Variants in RELL1 observed in about 807,000 individuals in gnomAD.
RELL1 encodes the protein RELT like 1.
RELL1 carries 10 observed loss-of-function variants against 23.0 expected under a neutral mutation model. That is an observed-to-expected ratio of 0.43 (90% CI 0.27 to 0.74). The LOEUF is 0.74. Among genes scored for constraint, RELL1 ranks in the 30% least tolerant of loss-of-function variants. The pLI is 0.19. For synonymous variants in RELL1, 146 were observed against 146.8 expected, an observed-to-expected ratio of 0.99 and a Z score of 0.04; for missense variants, 315 against 364.4, an observed-to-expected ratio of 0.86 and a Z score of 1.10.
At chr4:37,685,834 G>A (rs949956328) in intron 1 of RELL1, among the ~76,000 whole-genome samples, 59 of 152,276 alleles carry the variant, frequency 3.9e-4, no homozygotes, top group African/African-American at 1.4e-3. Context: ...CGGCGCCTTT[G>A]AGGACAAGGG....
Position 37,600,018 on chromosome 4 carries a change from C to T in RELL1, c.*4-8801G>A, listed in dbSNP as rs79413157. On this transcript the variant is annotated intron_variant, in intron 6 of 6. Transcript: ENST00000314117. Reference sequence around the variant, plus strand: ...AGTACAGTGGCTCACGCCTGTAAACCCAGCACTCCGGGAGGCCGAGGCAGG... The same window carrying T: ...AGTACAGTGGCTCACGCCTGTAAACTCAGCACTCCGGGAGGCCGAGGCAGG... Among the ~76,000 whole-genome samples, 825 of 152,266 alleles carry T rather than the reference C, an allele frequency of 5.4e-3. 11 individuals carry two copies. The highest frequency in any genetic ancestry group is 0.019 in the African/African-American group (802 of 41,548).
intron 6 of RELL1, among the ~76,000 whole-genome samples, chr4:37,604,866 GAC>G (rs752355951): frequency 0.29 from 15,667 of 54,366 alleles, 1,879 homozygotes; most frequent in East Asian, 0.43. Flanking sequence ...CACACACACA[GAC>G]ACACACACAC....
downstream of RELL1, chr4:37,587,950 C>G (rs1718406291): frequency 6.6e-6 from 1 of 151,948 alleles, no homozygotes; most frequent in Non-Finnish European, 1.5e-5. Context: ...GCCTGGGCGA[C>G]AGAGTGAGAC....
intron 6 of RELL1, among the ~76,000 whole-genome samples, chr4:37,602,740 G>A (rs1358295777): frequency 1.3e-5 from 2 of 152,192 alleles, no homozygotes; most frequent in Non-Finnish European, 2.9e-5. Flanking sequence ...TTGAGGCTCA[G>A]AAAGATAAGA....
intron 6 of RELL1, among the ~76,000 whole-genome samples, chr4:37,604,512 C>T (rs544162433): frequency 4.6e-5 from 7 of 152,110 alleles, no homozygotes; most frequent in East Asian, 3.9e-4. Context: ...CATACACACG[C>T]GCACACACAC....
chr4:37,683,586 G>A (rs1427590957), intron 1 of RELL1, among the ~76,000 whole-genome samples: 1 of 151,906 alleles, frequency 6.6e-6, no homozygotes, highest in African/African-American at 2.4e-5. Context: ...GGGAAGCCCC[G>A]ATTCTACTAA....
At position 37,612,130 on chromosome 4, in the gene RELL1, T is replaced by A. The variant is rs1359630249; in HGVS notation, c.*1216A>T. 7.6e-6 allele frequency among the ~76,000 whole-genome samples: 1 copy of A among 130,966 alleles called. No individual in the cohort carries two copies. Among genetic ancestry groups the A allele is most frequent in the East Asian group, 2.2e-4 (1 of 4,470 alleles). The allele number at this position is 130,966 out of a possible 152,430, so 85.9% of individuals were successfully genotyped here. On this transcript the variant is annotated 3_prime_UTR_variant, in exon 7 of 7. Transcript: ENST00000454158. ...AGGTGGAGCTTGCAGTGAGCTGAGA[T>A]CGTGCCACTGCACTCCAGCCTGGGC...
chr4:37,635,189 T>G, intron 4 of RELL1, 66 bp from the exon 5 acceptor site: 1 of 1,251,170 alleles, frequency 8.0e-7, no homozygotes, highest in Non-Finnish European at 1.2e-6. Flanking sequence ...GTGATCTCTC[T>G]CCCTGTGATG....
chr4:37,664,403 T>G (rs1318047011), intron 1 of RELL1, among the ~76,000 whole-genome samples: 1 of 151,830 alleles, frequency 6.6e-6, no homozygotes, highest in African/African-American at 2.4e-5. Flanking sequence ...CATGTATAAC[T>G]ACTTCATCTC....
intron 3 of RELL1, among the ~76,000 whole-genome samples, chr4:37,645,258 G>A (rs1355033160): frequency 2.6e-5 from 4 of 152,194 alleles, no homozygotes; most frequent in Admixed American, 6.5e-5. Flanking sequence ...CCACAGCCAC[G>A]AAAGGCAGTC....
chr4:37,673,186 CTT>C (rs71189095), intron 1 of RELL1, among the ~76,000 whole-genome samples: 4 of 93,186 alleles, frequency 4.3e-5, no homozygotes, highest in Admixed American at 1.8e-4. Context: ...CTTTTTTTTT[CTT>C]TTTTTTTTTT....
intron 1 of RELL1, among the ~76,000 whole-genome samples, chr4:37,676,516 C>T (rs59885107): frequency 0.11 from 16,087 of 152,196 alleles, 1,130 homozygotes; most frequent in South Asian, 0.2. Context: ...TCGAAAATCT[C>T]TGCACTGAAA....
chr4:37,597,271 C>T (rs1718888891), intron 6 of RELL1, among the ~76,000 whole-genome samples: 1 of 152,080 alleles, frequency 6.6e-6, no homozygotes, highest in African/African-American at 2.4e-5. Context: ...ACCTAGAGAC[C>T]AAAAGGCAGA....
chr4:37,654,964 C>T (rs1577593216), intron 1 of RELL1, among the ~76,000 whole-genome samples: 1 of 152,096 alleles, frequency 6.6e-6, no homozygotes, highest in East Asian at 1.9e-4. Flanking sequence ...TATCTTTATA[C>T]TTTTCTATAA....
intron 1 of RELL1, 39 bp from the exon 2 acceptor site, chr4:37,649,539 C>A (rs1720824879): frequency 2.6e-6 from 4 of 1,556,198 alleles, no homozygotes; most frequent in Non-Finnish European, 2.6e-6. Context: ...AGATATCTGT[C>A]CAGGGCAAGA....
chr4:37,627,901 C>T (rs1360804255), intron 6 of RELL1, among the ~76,000 whole-genome samples: 1 of 152,178 alleles, frequency 6.6e-6, no homozygotes, highest in African/African-American at 2.4e-5. Context: ...TCTCCTGCTT[C>T]ACTAGCTGCA....
intron 6 of RELL1, chr4:37,591,549 G>A (rs1040505338): frequency 2.6e-5 from 4 of 152,426 alleles, no homozygotes; most frequent in African/African-American, 9.7e-5. Context: ...TTGTTCAACA[G>A]CGGGTTAAGC....
chr4:37,590,692 G>T, downstream of RELL1: 1 of 1,614,190 alleles, frequency 6.2e-7, no homozygotes, highest in South Asian at 1.1e-5. Flanking sequence ...GAACCATACT[G>T]AGGATGAATC....
intron 1 of RELL1, among the ~76,000 whole-genome samples, chr4:37,670,027 T>A (rs1330133800): frequency 1.7e-5 from 2 of 116,044 alleles, no homozygotes; most frequent in Non-Finnish European, 1.8e-5. Context: ...CACCCAAGAA[T>A]GATCAATAAA....
Sources: gnomAD v4.1 joint callset for allele counts (sites outside exome capture counted in the v4.1 genomes callset) on GRCh38, gnomAD v4.1.1 for gene constraint, MANE v1.5 for transcripts, NCBI Gene and HGNC (gene_info 2026-07-23, HGNC 2026-07-21) for gene names.